Variants in CADM2 observed in about 807,000 individuals in gnomAD.
CADM2 encodes immunoglobulin superfamily member 4D.
A neutral mutation model predicts 49.8 loss-of-function variants in CADM2; 12 were observed. The observed-to-expected ratio is 0.24, with a 90% CI of 0.15 to 0.39. The LOEUF is 0.39. Among genes scored for constraint, CADM2 ranks in the 10% least tolerant of loss-of-function variants. The probability of loss-of-function intolerance (pLI) is 1.00; values close to 1 mark genes in which losing one functional copy is unlikely to be tolerated. For missense variants in CADM2, 378 were observed against 492.3 expected, an observed-to-expected ratio of 0.77 and a Z score of 2.20; for synonymous variants, 214 against 175.4, an observed-to-expected ratio of 1.22 and a Z score of -1.74.
chr3:86,030,996 T>A (rs1254387422), intron 8 of CADM2, among the ~76,000 whole-genome samples: 1 of 151,834 alleles, frequency 6.6e-6, no homozygotes, highest in Non-Finnish European at 1.5e-5. Flanking sequence ...ATAGTTTAGG[T>A]AGATTTGGAC....
At chr3:85,347,554 TAC>T (rs1157036645) in intron 1 of CADM2, among the ~76,000 whole-genome samples, 15 of 144,292 alleles carry the variant, frequency 1.0e-4, no homozygotes, top group Admixed American at 6.4e-4. Context: ...TAAATATATA[TAC>T]ACACATATAT....
intron 8 of CADM2, among the ~76,000 whole-genome samples, chr3:86,040,605 A>T (rs1735757376): frequency 2.6e-5 from 4 of 152,210 alleles, no homozygotes; most frequent in African/African-American, 9.6e-5. Context: ...TCGACGTCTG[A>T]TTTGTGTACC....
intron 8 of CADM2, among the ~76,000 whole-genome samples, chr3:85,971,543 G>A (rs1044501961): frequency 2.6e-5 from 4 of 151,470 alleles, no homozygotes; most frequent in African/African-American, 7.3e-5. Flanking sequence ...GCTGATTTAC[G>A]TTTTTCTTTT....
intron 1 of CADM2, among the ~76,000 whole-genome samples, chr3:85,189,258 T>A (rs1199619333): frequency 6.6e-6 from 1 of 151,938 alleles, no homozygotes; most frequent in Non-Finnish European, 1.5e-5. Flanking sequence ...AAGGAAGATG[T>A]TTTTCTCTGA....
intron 1 of CADM2, among the ~76,000 whole-genome samples, chr3:85,073,175 A>G (rs2036820920): frequency 6.6e-6 from 1 of 152,150 alleles, no homozygotes; most frequent in African/African-American, 2.4e-5. Flanking sequence ...AGGAATCAGC[A>G]TAAAGACCTG....
chr3:85,206,736 G>A (rs2041652247), intron 1 of CADM2, among the ~76,000 whole-genome samples: 1 of 151,506 alleles, frequency 6.6e-6, no homozygotes, highest in African/African-American at 2.4e-5. Context: ...AATTTTATTT[G>A]ATCTTAATCT....
chr3:85,644,543 G>A (rs989685572), intron 1 of CADM2, among the ~76,000 whole-genome samples: 1 of 152,122 alleles, frequency 6.6e-6, no homozygotes, highest in Non-Finnish European at 1.5e-5. Context: ...TCACTGCCCA[G>A]TAGCTGCAGG....
intron 1 of CADM2, among the ~76,000 whole-genome samples, chr3:85,693,438 GGC>G (rs2066448541): frequency 6.6e-6 from 1 of 150,594 alleles, no homozygotes; most frequent in Admixed American, 6.6e-5. Flanking sequence ...AAATTAGCCG[GGC>G]GCAGTGGCGG....
Position 85,725,622 on chromosome 3 carries a change from G to A in CADM2, c.62-900G>A, listed in dbSNP as rs1559616079. On this transcript the variant is annotated intron_variant, in intron 1 of 9. Coordinates refer to ENST00000383699, the MANE Select transcript of CADM2 (RefSeq NM_001167675.2). ...GAACAGAAGTTTTCCTTTGAGTAAG[G>A]GACTGTCCTGTAGGACTGTTCTAAT... is the stretch of plus-strand genomic sequence containing the variant. Among the ~76,000 whole-genome samples, 4 of 151,902 alleles carry A rather than the reference G, an allele frequency of 2.6e-5. No homozygotes were observed. In the East Asian group the frequency reaches 7.7e-4, roughly 29 times the overall value.
chr3:85,476,905 C>T (rs1243438831), intron 1 of CADM2, among the ~76,000 whole-genome samples: 1 of 150,034 alleles, frequency 6.7e-6, no homozygotes, highest in East Asian at 2.0e-4. Flanking sequence ...TAAACACACA[C>T]ACACACACAC....
At chr3:85,331,636 C>T (rs769906480) in intron 1 of CADM2, among the ~76,000 whole-genome samples, 5 of 151,744 alleles carry the variant, frequency 3.3e-5, no homozygotes, top group Non-Finnish European at 7.4e-5. Flanking sequence ...TGGGTACAGA[C>T]CCAACATTGA....
intron 8 of CADM2, among the ~76,000 whole-genome samples, chr3:86,061,992 G>GA (rs898645456): frequency 9.8e-6 from 1 of 102,298 alleles, no homozygotes; most frequent in African/African-American, 3.7e-5. Context: ...ATGGTGGGGG[G>GA]GGGGTTGAAT....
chr3:85,824,548 T>C (rs1320782616), intron 3 of CADM2, among the ~76,000 whole-genome samples: 1 of 152,088 alleles, frequency 6.6e-6, no homozygotes, highest in Non-Finnish European at 1.5e-5. Context: ...TAAAGCTACT[T>C]GTGAGACAGA....
intron 2 of CADM2, among the ~76,000 whole-genome samples, chr3:85,790,871 C>G (rs2071281199): frequency 6.6e-6 from 1 of 152,122 alleles, no homozygotes; most frequent in Non-Finnish European, 1.5e-5. Context: ...TGGAAACTGG[C>G]AAGCGGCACC....
chr3:85,676,509 G>T (rs965617317), intron 1 of CADM2, among the ~76,000 whole-genome samples: 5 of 151,814 alleles, frequency 3.3e-5, no homozygotes, highest in African/African-American at 9.7e-5. Flanking sequence ...GCATAGTTTT[G>T]ATTGTTGTAA....
At position 86,061,756 on chromosome 3, in the gene CADM2, G is replaced by A. The variant is rs1239399692; in HGVS notation, c.971-3849G>A. Among the ~76,000 whole-genome samples the A allele has an allele frequency of 5.3e-5, 8 of 151,932 alleles. No individual in the cohort carries two copies. In the East Asian group the frequency reaches 1.2e-3, roughly 22 times the overall value. ...TTAATCTTTAAAGACAGCTGTTAAA[G>A]CAAAATTTAAATAGAAAAATGGGCA... On this transcript the variant is annotated intron_variant, in intron 8 of 9. Coordinates refer to ENST00000383699, the MANE Select transcript of CADM2 (RefSeq NM_001167675.2).
At chr3:85,432,685 T>C (rs1422755148) in intron 1 of CADM2, among the ~76,000 whole-genome samples, 1 of 152,142 alleles carries the variant, frequency 6.6e-6, no homozygotes, top group East Asian at 1.9e-4. Flanking sequence ...CAAATACTGG[T>C]TCAGGTGCTT....
rs935318653 is a variant in CADM2, at chr3:85,098,346, GA to G, written c.61+138687del. On this transcript the variant is annotated intron_variant, in intron 1 of 9. Transcript: ENST00000383699. ...TTAAACAGTAGTTAAATGTAAGAGG[GA>G]AAAAAAAATATGACCAAAGTTAAGA... 7.1e-3 allele frequency among the ~76,000 whole-genome samples: 1,056 copies of G among 149,782 alleles called. 17 individuals carry two copies. Among genetic ancestry groups the G allele is most frequent in the African/African-American group, 0.021 (872 of 40,824 alleles).
chr3:85,781,599 A>T (rs942317543), intron 2 of CADM2, among the ~76,000 whole-genome samples: 1 of 152,214 alleles, frequency 6.6e-6, no homozygotes, highest in African/African-American at 2.4e-5. Context: ...AATTATAAAA[A>T]TTAAATCAGG....
Sources: gnomAD v4.1 joint callset for allele counts (sites outside exome capture counted in the v4.1 genomes callset) on GRCh38, gnomAD v4.1.1 for gene constraint, MANE v1.5 for transcripts, NCBI Gene and HGNC (gene_info 2026-07-23, HGNC 2026-07-21) for gene names.